LRP1B: variants seen among roughly 807,000 people sequenced by gnomAD.
LRP1B encodes low-density lipoprotein receptor-related protein 1B.
A neutral mutation model predicts 556.6 loss-of-function variants in LRP1B; 217 were observed. The observed-to-expected ratio is 0.39, with a 90% CI of 0.35 to 0.44. The LOEUF is 0.44. Ranked by LOEUF, LRP1B falls within the 20% of genes least tolerant of loss-of-function variation. The pLI is 1.00. For missense variants in LRP1B, 5,053 were observed against 5,620.8 expected, an observed-to-expected ratio of 0.90 and a Z score of 3.23; for synonymous variants, 2,047 against 1,865.8, an observed-to-expected ratio of 1.10 and a Z score of -2.50.
At chr2:141,107,334 T>A (rs1246727496) in intron 7 of LRP1B, among the ~76,000 whole-genome samples, 2 of 152,044 alleles carry the variant, frequency 1.3e-5, no homozygotes, top group Non-Finnish European at 2.9e-5. Context: ...CTTTGAAAGA[T>A]AAATTAAAAA....
chr2:140,454,951 C>A (rs922435406), intron 62 of LRP1B, among the ~76,000 whole-genome samples: 1 of 152,074 alleles, frequency 6.6e-6, no homozygotes, highest in Admixed American at 6.6e-5. Flanking sequence ...ACTAAGCCAG[C>A]GACAGCCTTA....
chr2:140,356,768 C>T (rs1240165751), intron 74 of LRP1B, among the ~76,000 whole-genome samples: 1 of 151,728 alleles, frequency 6.6e-6, no homozygotes, highest in Non-Finnish European at 1.5e-5. Context: ...GTCAATGATT[C>T]TAATGACAGG....
chr2:140,776,459 T>G (rs1689500552), intron 32 of LRP1B, among the ~76,000 whole-genome samples: 1 of 148,884 alleles, frequency 6.7e-6, no homozygotes, highest in African/African-American at 2.4e-5. Context: ...CTCTTCAATT[T>G]AACTTTTCTT....
At chr2:141,074,591 A>C (rs4954686) in intron 7 of LRP1B, among the ~76,000 whole-genome samples, 27,551 of 82,964 alleles carry the variant, frequency 0.33, 2,668 homozygotes, top group East Asian at 0.46. Flanking sequence ...CTCTCTCTCT[A>C]TATATATATA....
intron 3 of LRP1B, among the ~76,000 whole-genome samples, chr2:141,267,759 A>G (rs111632673): frequency 0.028 from 4,318 of 152,244 alleles, 103 homozygotes; most frequent in Non-Finnish European, 0.046. Context: ...TTGAGGTAGG[A>G]GTGTAAGAAA....
At chr2:141,517,947 C>G (rs1684384247) in intron 2 of LRP1B, among the ~76,000 whole-genome samples, 2 of 152,046 alleles carry the variant, frequency 1.3e-5, no homozygotes, top group South Asian at 4.1e-4. Context: ...TGTATTCACT[C>G]AACAAATATT....
chr2:141,294,859 T>C (rs1686122189), intron 3 of LRP1B, among the ~76,000 whole-genome samples: 1 of 152,204 alleles, frequency 6.6e-6, no homozygotes, highest in Admixed American at 6.5e-5. Flanking sequence ...TTTTCCATAA[T>C]TTTTGTTCTC....
chr2:140,277,626 A>C (rs1682733479), intron 84 of LRP1B, among the ~76,000 whole-genome samples: 2 of 152,064 alleles, frequency 1.3e-5, no homozygotes, highest in Non-Finnish European at 1.5e-5. Context: ...AAATAAATAA[A>C]TAATAAAAAA....
intron 41 of LRP1B, among the ~76,000 whole-genome samples, chr2:140,697,295 G>A (rs1180293673): frequency 6.6e-6 from 1 of 151,974 alleles, no homozygotes; most frequent in Admixed American, 6.6e-5. Flanking sequence ...AAACCTCCTA[G>A]GGCATCTTTG....
chr2:140,848,099 A>G (rs1692331608), intron 29 of LRP1B, among the ~76,000 whole-genome samples: 1 of 152,146 alleles, frequency 6.6e-6, no homozygotes, highest in South Asian at 2.1e-4. Flanking sequence ...AAGTACTTGA[A>G]CATTTTTCTG....
intron 1 of LRP1B, among the ~76,000 whole-genome samples, chr2:141,967,352 G>A (rs115510074): frequency 0.012 from 1,839 of 151,894 alleles, 16 homozygotes; most frequent in Non-Finnish European, 0.019. Flanking sequence ...ATGGATTAAT[G>A]GAGAGAGGTA....
chr2:140,405,116 C>T (rs1352934674), intron 66 of LRP1B, among the ~76,000 whole-genome samples: 1 of 152,086 alleles, frequency 6.6e-6, no homozygotes, highest in Non-Finnish European at 1.5e-5. Context: ...TGCTCCTGAT[C>T]TAGGTTAACA....
intron 2 of LRP1B, among the ~76,000 whole-genome samples, chr2:141,491,320 T>A (rs1436326329): frequency 6.6e-6 from 1 of 152,164 alleles, no homozygotes; most frequent in African/African-American, 2.4e-5. Flanking sequence ...TAATTTAAAA[T>A]TTCTCTGTAA....
intron 1 of LRP1B, among the ~76,000 whole-genome samples, chr2:141,873,193 C>CA (rs2105802706): frequency 6.6e-6 from 1 of 152,000 alleles, no homozygotes; most frequent in African/African-American, 2.4e-5. Context: ...CAGTGGCTTA[C>CA]ACCTGTAATC....
intron 2 of LRP1B, among the ~76,000 whole-genome samples, chr2:141,619,118 C>A (rs957412666): frequency 6.6e-6 from 1 of 152,106 alleles, no homozygotes; most frequent in Admixed American, 6.6e-5. Flanking sequence ...TTTCTCTATT[C>A]GGTTATTTAA....
intron 2 of LRP1B, among the ~76,000 whole-genome samples, chr2:141,733,303 C>T (rs751399149): frequency 5.3e-5 from 8 of 152,104 alleles, no homozygotes; most frequent in African/African-American, 9.6e-5. Flanking sequence ...GTTTGAATTA[C>T]GATTGGTCTT....
chr2:141,133,728 T>C (rs1701420284), intron 7 of LRP1B, among the ~76,000 whole-genome samples: 2 of 152,148 alleles, frequency 1.3e-5, no homozygotes, highest in South Asian at 4.1e-4. Flanking sequence ...TATATGTATG[T>C]TGCAACTAAT....
chr2:140,653,108 C>T (rs1684748184), intron 41 of LRP1B, among the ~76,000 whole-genome samples: 1 of 151,898 alleles, frequency 6.6e-6, no homozygotes, highest in African/African-American at 2.4e-5. Context: ...AAACATTTAA[C>T]ATTATAAAAC....
At chr2:140,244,404 T>C (rs1258069075) in intron 87 of LRP1B, among the ~76,000 whole-genome samples, 1 of 151,350 alleles carries the variant, frequency 6.6e-6, no homozygotes, top group Non-Finnish European at 1.5e-5. Flanking sequence ...AGTATATTTT[T>C]GTCTTTCATA....
Sources: gnomAD v4.1 joint callset for allele counts (sites outside exome capture counted in the v4.1 genomes callset) on GRCh38, gnomAD v4.1.1 for gene constraint, MANE v1.5 for transcripts, NCBI Gene and HGNC (gene_info 2026-07-23, HGNC 2026-07-21) for gene names.